EYA2: variants seen among roughly 807,000 people sequenced by gnomAD.
EYA2 encodes the protein EYA transcriptional coactivator and phosphatase 2, also known as protein phosphatase EYA2.
EYA2 carries 31 observed loss-of-function variants against 69.2 expected under a neutral mutation model. The ratio of observed to expected loss-of-function variants is 0.45; its 90% CI spans 0.34 to 0.60. The LOEUF (loss-of-function observed/expected upper bound fraction) is 0.60, where lower values mean the gene tolerates loss of function less well. EYA2 is among the 20% of genes least tolerant of loss of function. The pLI is 0.02. For synonymous variants in EYA2, 257 were observed against 279.4 expected (o/e 0.92, Z 0.80); for missense variants, 622 against 701.2 (o/e 0.89, Z 1.28).
intron 1 of EYA2, chr20:46,901,363 C>T (rs1400767166): frequency 1.3e-5 from 2 of 152,206 alleles, no homozygotes; most frequent in African/African-American, 4.8e-5. Context: ...TTCATGGTTT[C>T]CAAAACAATT....
rs149795994 is a variant in EYA2 at position 47,019,349 on chromosome 20, A to G, written c.415+3052A>G. The stretch of plus-strand genomic sequence containing the variant: ...ATTAACTGCCTTCAGTCTGATGCTA[A>G]TGGCTATAAACTGCTCTTGAGACAG... On this transcript the variant is annotated intron_variant, in intron 5 of 15. Transcript: ENST00000327619. Among the ~76,000 whole-genome samples the G allele has an allele frequency of 8.0e-3, 1,217 of 152,364 alleles. 10 individuals carry two copies. The highest frequency in any genetic ancestry group is 0.014 in the Middle Eastern group (4 of 294).
At chr20:46,936,669 G>A (rs989854385) in intron 1 of EYA2, among the ~76,000 whole-genome samples, 1 of 152,008 alleles carries the variant, frequency 6.6e-6, no homozygotes, top group Non-Finnish European at 1.5e-5. Flanking sequence ...ATTGTGAAAC[G>A]ACATCAGACT....
chr20:47,064,291 C>T (rs2031024329), intron 5 of EYA2, among the ~76,000 whole-genome samples: 2 of 152,288 alleles, frequency 1.3e-5, no homozygotes, highest in South Asian at 2.1e-4. Context: ...GTCATCCATG[C>T]TGTATGTAGC....
chr20:47,035,237 G>A (rs1247663877), intron 5 of EYA2, among the ~76,000 whole-genome samples: 1 of 152,160 alleles, frequency 6.6e-6, no homozygotes, highest in Non-Finnish European at 1.5e-5. Flanking sequence ...CAAGGATCCT[G>A]CTGCTCAGCT....
intron 1 of EYA2, among the ~76,000 whole-genome samples, chr20:46,941,204 T>C (rs1986141501): frequency 6.6e-6 from 1 of 152,238 alleles, no homozygotes; most frequent in African/African-American, 2.4e-5. Flanking sequence ...CCCTAAGAGC[T>C]GCCTGAGCTC....
intron 1 of EYA2, among the ~76,000 whole-genome samples, chr20:46,925,180 C>G (rs1179338118): frequency 6.6e-6 from 1 of 152,184 alleles, no homozygotes; most frequent in Non-Finnish European, 1.5e-5. Context: ...TCCAATATGA[C>G]CTCATCTTAA....
chr20:47,125,567 T>G (rs2033167863), intron 9 of EYA2, among the ~76,000 whole-genome samples: 1 of 152,200 alleles, frequency 6.6e-6, no homozygotes, highest in East Asian at 1.9e-4. Flanking sequence ...TCCAAGTAAT[T>G]AAACCCAATT....
intron 1 of EYA2, among the ~76,000 whole-genome samples, chr20:46,946,635 G>A (rs971667446): frequency 3.9e-5 from 6 of 152,046 alleles, no homozygotes; most frequent in Non-Finnish European, 7.4e-5. Flanking sequence ...TTTGGCTTTG[G>A]GGGCCTCTGC....
At chr20:46,935,249 TG>T (rs1985857296) in intron 1 of EYA2, among the ~76,000 whole-genome samples, 2 of 152,238 alleles carry the variant, frequency 1.3e-5, no homozygotes, top group Admixed American at 1.3e-4. Context: ...GGAACATTTT[TG>T]TAGCATCTGT....
intron 7 of EYA2, among the ~76,000 whole-genome samples, chr20:47,075,067 C>T (rs6124938): frequency 2.6e-5 from 4 of 152,336 alleles, no homozygotes; most frequent in East Asian, 1.9e-4. Context: ...GCCGAGATCG[C>T]GCCATTGCGC....
chr20:47,114,210 A>T (rs890539981), intron 9 of EYA2, among the ~76,000 whole-genome samples: 1 of 152,214 alleles, frequency 6.6e-6, no homozygotes, highest in East Asian at 1.9e-4. Flanking sequence ...CCTGAGGCTC[A>T]CCTCGCTGAA....
chr20:47,002,092 A>G (rs1982418335), intron 3 of EYA2, among the ~76,000 whole-genome samples: 1 of 147,260 alleles, frequency 6.8e-6, no homozygotes, highest in South Asian at 2.2e-4. Flanking sequence ...TTCTATCCTT[A>G]TTTTTCTCTC....
intron 1 of EYA2, among the ~76,000 whole-genome samples, chr20:46,937,163 A>G (rs1158807336): frequency 1.3e-5 from 2 of 152,250 alleles, no homozygotes; most frequent in Non-Finnish European, 2.9e-5. Context: ...GAAGAAAAAA[A>G]AATCTCTGCA....
At chr20:47,123,957 G>A (rs533023351) in intron 9 of EYA2, among the ~76,000 whole-genome samples, 1 of 151,830 alleles carries the variant, frequency 6.6e-6, no homozygotes, top group Admixed American at 6.6e-5. Flanking sequence ...ACTCCAGCCT[G>A]GGTGACAGAG....
intron 9 of EYA2, among the ~76,000 whole-genome samples, chr20:47,105,096 A>G (rs1053753063): frequency 2.6e-5 from 4 of 152,172 alleles, no homozygotes; most frequent in African/African-American, 7.2e-5. Context: ...ATAGATCTGT[A>G]TGTATGCCCT....
At chr20:46,973,798 G>GA (rs11428493) in intron 1 of EYA2, among the ~76,000 whole-genome samples, 23,275 of 140,004 alleles carry the variant, frequency 0.17, 2,607 homozygotes, top group East Asian at 0.35. Flanking sequence ...AGAGAAGGAG[G>GA]AAAAAAAAAA....
At chr20:47,005,122 C>A in intron 4 of EYA2, 38 bp downstream of exon 4, 1 of 1,603,860 alleles carries the variant, frequency 6.2e-7, no homozygotes, top group Non-Finnish European at 8.5e-7. Flanking sequence ...CTCCTCAGGT[C>A]CCCAAATCAT....
Position 46,960,870 on chromosome 20 carries a change from T to C in EYA2, c.-10-29131T>C, listed in dbSNP as rs561809774. The stretch of plus-strand genomic sequence containing the variant: ...CCAAGCTGTGGGGCCCCTTCCCTGC[T>C]GGAGCAGCAGCACATCAAAGAACGT... On this transcript the variant is annotated intron_variant, in intron 1 of 15. Transcript: ENST00000327619. 3.5e-4 allele frequency among the ~76,000 whole-genome samples: 53 copies of C among 152,268 alleles called. 1 individual carries two copies. Among genetic ancestry groups the C allele is most frequent in the African/African-American group, 1.2e-3 (51 of 41,560 alleles).
chr20:47,119,104 G>A (rs1408922944), intron 9 of EYA2, among the ~76,000 whole-genome samples: 1 of 152,170 alleles, frequency 6.6e-6, no homozygotes, highest in Non-Finnish European at 1.5e-5. Context: ...CACTTAACTA[G>A]CAGGTTGAGA....
Sources: gnomAD v4.1 joint callset for allele counts (sites outside exome capture counted in the v4.1 genomes callset) on GRCh38, gnomAD v4.1.1 for gene constraint, MANE v1.5 for transcripts, NCBI Gene and HGNC (gene_info 2026-07-23, HGNC 2026-07-21) for gene names.